The following TRPM6 variants were observed in gnomAD, a reference collection of about 807,000 sequenced individuals.
The protein encoded by TRPM6 is channel kinase 2.
Under a neutral mutation model 247.6 loss-of-function variants are expected in TRPM6, and 111 were observed. That is an observed-to-expected ratio of 0.45 (90% CI 0.38 to 0.52). The LOEUF (loss-of-function observed/expected upper bound fraction) is 0.52, where lower values mean the gene tolerates loss of function less well. TRPM6 is among the 20% of genes least tolerant of loss of function. TRPM6 has a pLI of 0.00. For synonymous variants in TRPM6, 892 were observed against 853.8 expected, an observed-to-expected ratio of 1.04 and a Z score of -0.78; for missense variants, 2,126 against 2,421.5, an observed-to-expected ratio of 0.88 and a Z score of 2.56.
chr9:74,724,781 A>T lies in TRPM6; in HGVS notation c.5936-35T>A, dbSNP rs79983737. The T allele has an allele frequency of 0.012, 19,289 of 1,613,490 alleles. 1,505 individuals are homozygous for T. The African/African-American group carries it at 0.2, about 16-fold the overall frequency. On this transcript the variant is annotated intron_variant, in intron 38 of 38. Coordinates refer to ENST00000360774, the MANE Select transcript of TRPM6 (RefSeq NM_017662.5). ...GGACAAGTAAAAAGGTTATAGTGGA[A>T]CCCCAAGAACCTACTGTTCATGAAG...
At chr9:74,784,264 G>GA (rs561088762) in intron 21 of TRPM6, among the ~76,000 whole-genome samples, 3,723 of 81,630 alleles carry the variant, frequency 0.046, 178 homozygotes, top group African/African-American at 0.14. Context: ...CTCCATCTCA[G>GA]AAAAAAAAAA....
intron 33 of TRPM6, 52 bp from the exon 34 acceptor site, chr9:74,740,061 C>T (rs1825813590): frequency 6.3e-7 from 1 of 1,588,228 alleles, no homozygotes; most frequent in East Asian, 2.3e-5. Context: ...ATGTCTGTGA[C>T]ATGAATAGTA....
chr9:74,865,980 C>T (rs7855171), intron 1 of TRPM6, among the ~76,000 whole-genome samples: 2,619 of 152,182 alleles, frequency 0.017, 73 homozygotes, highest in African/African-American at 0.06. Flanking sequence ...ACTTACCAAC[C>T]TCTCAGACAA....
intron 11 of TRPM6, among the ~76,000 whole-genome samples, chr9:74,814,303 A>G (rs1828848777): frequency 6.6e-6 from 1 of 152,160 alleles, no homozygotes; most frequent in Admixed American, 6.5e-5. Flanking sequence ...AGAAGCTGGG[A>G]AGAGTACTGA....
At chr9:74,885,890 C>A (rs1204514584) in intron 1 of TRPM6, among the ~76,000 whole-genome samples, 1 of 151,554 alleles carries the variant, frequency 6.6e-6, no homozygotes, top group Non-Finnish European at 1.5e-5. Context: ...GGCAACACAG[C>A]GAGACTCTGT....
At chr9:74,854,157 G>C (rs1403171239) in intron 3 of TRPM6, among the ~76,000 whole-genome samples, 1 of 152,116 alleles carries the variant, frequency 6.6e-6, no homozygotes, top group Admixed American at 6.5e-5. Flanking sequence ...AGGACATTTG[G>C]CTCTCCCTAT....
intron 7 of TRPM6, among the ~76,000 whole-genome samples, chr9:74,826,389 A>C (rs115780165): frequency 0.01 from 1,578 of 152,266 alleles, 31 homozygotes; most frequent in African/African-American, 0.036. Flanking sequence ...TTTTCAGCCC[A>C]ATGCTCAAAG....
At chr9:74,858,389 A>AAAAAACAAAAAAC (rs55660256) in intron 2 of TRPM6, among the ~76,000 whole-genome samples, 1 of 151,932 alleles carries the variant, frequency 6.6e-6, no homozygotes, top group Non-Finnish European at 1.5e-5. Context: ...CTTCGTCTCA[A>AAAAAACAAAAAAC]AAAAACAAAA....
At position 74,845,271 on chromosome 9, in the gene TRPM6, A is replaced by G. The variant is rs545530039; in HGVS notation, c.153-2928T>C. On this transcript the variant is annotated intron_variant, in intron 3 of 38. Coordinates refer to ENST00000360774, the MANE Select transcript of TRPM6 (RefSeq NM_017662.5). Reference sequence around the variant, plus strand: ...AAACCTCCACATTATAAAAAATGCAATATCAGTAAAGCACAATAAAGTAAC... The same window carrying G: ...AAACCTCCACATTATAAAAAATGCAGTATCAGTAAAGCACAATAAAGTAAC... Among the ~76,000 whole-genome samples, 7 of 152,356 alleles carry G rather than the reference A, an allele frequency of 4.6e-5. No homozygotes were observed. The East Asian group carries it at 5.8e-4, about 13-fold the overall frequency.
intron 21 of TRPM6, 32 bp downstream of exon 21, chr9:74,785,841 GA>G: frequency 6.2e-7 from 1 of 1,613,450 alleles, no homozygotes; most frequent in East Asian, 2.2e-5. Context: ...TTTTAAAAAA[GA>G]ATACCAGGAT....
intron 13 of TRPM6, among the ~76,000 whole-genome samples, chr9:74,808,698 T>C (rs1828621305): frequency 6.6e-6 from 1 of 152,238 alleles, no homozygotes; most frequent in Non-Finnish European, 1.5e-5. Flanking sequence ...CTTCTCTCTT[T>C]GTTGAAATGG....
chr9:74,810,464 ACACAAC>A (rs1656580112), intron 13 of TRPM6, among the ~76,000 whole-genome samples: 1 of 152,210 alleles, frequency 6.6e-6, no homozygotes, highest in Non-Finnish European at 1.5e-5. Context: ...AATAAGGATA[ACACAAC>A]CACAAAGTTA....
chr9:74,883,939 C>G (rs758337793), intron 1 of TRPM6, among the ~76,000 whole-genome samples: 4 of 151,954 alleles, frequency 2.6e-5, no homozygotes, highest in Non-Finnish European at 5.9e-5. Context: ...CACCTGAGGT[C>G]GGGAGTTCGA....
At position 74,803,803 on chromosome 9, in the gene TRPM6, G is replaced by T. The variant is rs200734621; in HGVS notation, c.1722C>A (p.Tyr574Ter). ...HSQFIRTAQP[Y>*]KFKEKSIVLH... is the part of the protein sequence containing the mutation. ...AACAAGTAAATGGTACCTTGAATTT[G>T]TATGGCTGTGCAGTTCTAATGAACT... Residue 574 changes from tyrosine (Y) to a stop codon, truncating the protein, a stop_gained, in exon 15 of 39, where the codon TAC becomes TAA. Coordinates refer to ENST00000360774, the MANE Select transcript of TRPM6 (RefSeq NM_017662.5). LOFTEE classifies it high-confidence loss of function. The T allele has an allele frequency of 1.2e-5, 20 of 1,609,202 alleles. No homozygotes were observed. Among genetic ancestry groups the T allele is most frequent in the South Asian group, 5.5e-5 (5 of 91,006 alleles).
chr9:74,735,255 G>A (rs182658788), intron 36 of TRPM6, among the ~76,000 whole-genome samples: 3 of 152,026 alleles, frequency 2.0e-5, no homozygotes, highest in East Asian at 1.9e-4. Context: ...GAATTGGAGA[G>A]GAGAGGAGAG....
intron 21 of TRPM6, among the ~76,000 whole-genome samples, chr9:74,783,741 AC>A (rs1667750841): frequency 6.6e-6 from 1 of 152,196 alleles, no homozygotes; most frequent in African/African-American, 2.4e-5. Flanking sequence ...ACAAGAGAAA[AC>A]ATTTCTGGTC....
intron 1 of TRPM6, among the ~76,000 whole-genome samples, chr9:74,875,765 G>T (rs1368161608): frequency 1.3e-5 from 2 of 152,086 alleles, no homozygotes; most frequent in Non-Finnish European, 2.9e-5. Flanking sequence ...GTTTCTCTGG[G>T]CCAGATAAGG....
chr9:74,801,261 T>A (rs1036967383), intron 16 of TRPM6, among the ~76,000 whole-genome samples: 1 of 143,396 alleles, frequency 7.0e-6, no homozygotes, highest in African/African-American at 2.6e-5. Context: ...TTTTTTTTTT[T>A]TTTTTTTTTT....
chr9:74,877,993 C>A (rs13294709), intron 1 of TRPM6, among the ~76,000 whole-genome samples: 1 of 152,086 alleles, frequency 6.6e-6, no homozygotes, highest in Non-Finnish European at 1.5e-5. Flanking sequence ...ATCCAGGGGC[C>A]TAGGGATCAC....
Sources: allele counts gnomAD v4.1 joint callset (sites outside exome capture counted in the v4.1 genomes callset), GRCh38; gene constraint gnomAD v4.1.1; transcripts MANE v1.5; gene names NCBI Gene and HGNC (gene_info 2026-07-23, HGNC 2026-07-21).